SHCBP1: variants seen among roughly 807,000 people sequenced by gnomAD.
SHCBP1 encodes SHC binding and spindle associated 1.
In SHCBP1, 60 loss-of-function variants were observed where a neutral mutation model predicts 75.1. That is an observed-to-expected ratio of 0.80 (90% CI 0.65 to 0.99). The LOEUF (loss-of-function observed/expected upper bound fraction) is 0.99, where lower values mean the gene tolerates loss of function less well. SHCBP1 is among the 50% of genes least tolerant of loss of function. The probability of loss-of-function intolerance (pLI) is 0.00; values close to 1 mark genes in which losing one functional copy is unlikely to be tolerated. For synonymous variants in SHCBP1, 290 were observed against 293.2 expected (o/e 0.99, Z 0.11); for missense variants, 709 against 809.4 (o/e 0.88, Z 1.50).
intron 8 of SHCBP1, among the ~76,000 whole-genome samples, chr16:46,602,173 A>G (rs1044846552): frequency 7.2e-5 from 11 of 152,322 alleles, no homozygotes; most frequent in African/African-American, 2.4e-4. Flanking sequence ...CTACCATACA[A>G]ACTATAATAT....
In SHCBP1 at chr16:46,613,943, C is replaced by T. The variant is rs971288620; in HGVS notation, c.596+2003G>A. 3.7e-4 allele frequency among the ~76,000 whole-genome samples: 57 copies of T among 152,348 alleles called. 1 individual carries two copies. Among genetic ancestry groups the T allele is most frequent in the African/African-American group, 1.2e-3 (48 of 41,580 alleles). Reference sequence around the variant, plus strand: ...AAGTGTAAATTTAACCAGGCTCCTCCTCAAATAATACTACCAAATAACATT... The same window carrying T: ...AAGTGTAAATTTAACCAGGCTCCTCTTCAAATAATACTACCAAATAACATT... On this transcript the variant is annotated intron_variant, in intron 4 of 12. Coordinates refer to ENST00000303383, the MANE Select transcript of SHCBP1 (RefSeq NM_024745.5).
intron 10 of SHCBP1, among the ~76,000 whole-genome samples, chr16:46,589,498 G>A (rs942012320): frequency 3.2e-4 from 49 of 152,208 alleles, no homozygotes; most frequent in African/African-American, 1.0e-3. Context: ...AAATCAATGT[G>A]CAAAAATCAC....
chr16:46,617,316 T>C (rs538174895), intron 3 of SHCBP1, among the ~76,000 whole-genome samples: 33 of 152,308 alleles, frequency 2.2e-4, no homozygotes, highest in African/African-American at 7.9e-4. Context: ...CCTCTTAGGT[T>C]TGAGCTGCTT....
chr16:46,594,145 T>C (rs184256471), intron 10 of SHCBP1, among the ~76,000 whole-genome samples: 4 of 152,016 alleles, frequency 2.6e-5, no homozygotes, highest in African/African-American at 9.7e-5. Context: ...TATAACGCTA[T>C]AAAAATTTTA....
Position 46,603,586 on chromosome 16 carries a change from T to C in SHCBP1, c.1166A>G (p.Tyr389Cys). 2 of 1,614,172 alleles carry C rather than the reference T, an allele frequency of 1.2e-6. No individual in the cohort carries two copies. Among genetic ancestry groups the C allele is most frequent in the East Asian group, 4.5e-5 (2 of 44,886 alleles). The stretch of plus-strand genomic sequence containing the variant: ...AATGGAGAAAGTGCCATGTACCACA[T>C]AATGGCCAGGACAAACAATAACAGT... Reference protein sequence around the residue: ...GDTVIVCPGHYVVHGTFSIAD... With the variant: ...GDTVIVCPGHCVVHGTFSIAD... The change falls in exon 8 of 13, where the codon TAT (tyrosine) becomes TGT (cysteine). Residue 389 changes from tyrosine to cysteine, a missense_variant. Tyr to Cys is a radical substitution (Grantham distance 194). Coordinates refer to ENST00000303383, the MANE Select transcript of SHCBP1 (RefSeq NM_024745.5).
At position 46,585,894 on chromosome 16, in the gene SHCBP1, C is replaced by T. The variant is rs528414289; in HGVS notation, c.1465-1805G>A. 7.9e-5 allele frequency among the ~76,000 whole-genome samples: 12 copies of T among 152,290 alleles called. No homozygotes were observed. In the East Asian group the frequency reaches 2.3e-3, roughly 29 times the overall value. ...ACATAGCAGTAAGAAGGAGCTCCCC[C>T]ACCCAACTTGGGTATCAATGAACGC... On this transcript the variant is annotated intron_variant, in intron 10 of 12. Transcript: ENST00000303383.
chr16:46,600,706 T>G (rs1965219341), intron 8 of SHCBP1, among the ~76,000 whole-genome samples: 1 of 152,104 alleles, frequency 6.6e-6, no homozygotes, highest in Admixed American at 6.6e-5. Flanking sequence ...TCTACCTCAT[T>G]AACAAATAAA....
At chr16:46,611,729 A>C (rs1299018619) in intron 4 of SHCBP1, among the ~76,000 whole-genome samples, 1 of 152,176 alleles carries the variant, frequency 6.6e-6, no homozygotes, top group African/African-American at 2.4e-5. Flanking sequence ...GTTTCTAAGA[A>C]CCTACCAACA....
Position 46,581,897 on chromosome 16 carries a change from T to C in SHCBP1, c.1851A>G (p.Glu617=). 1 of 1,614,166 alleles carries C rather than the reference T, an allele frequency of 6.2e-7. No individual in the cohort carries two copies. Among genetic ancestry groups the C allele is most frequent in the Non-Finnish European group, 8.5e-7 (1 of 1,180,032 alleles). The part of the protein sequence containing the change: ...QVEGNCEIVN[E]LIAASTQKGQ... ...CTTTCTGTGTGGAGGCAGCAATTAG[T>C]TCATTTACAATTTCACAATTTCCCT... The change falls in exon 13 of 13, where the codon GAA becomes GAG. Residue 617 remains glutamate (E), a synonymous_variant. Transcript: ENST00000303383.
At chr16:46,612,554 A>G (rs1051014574) in intron 4 of SHCBP1, among the ~76,000 whole-genome samples, 1 of 152,132 alleles carries the variant, frequency 6.6e-6, no homozygotes, top group African/African-American at 2.4e-5. Flanking sequence ...TTAGCCCTCA[A>G]AAAGAAGTCC....
intron 4 of SHCBP1, among the ~76,000 whole-genome samples, 187 bp from the exon 5 acceptor site, chr16:46,608,576 A>C (rs1965359310): frequency 2.0e-5 from 3 of 148,696 alleles, no homozygotes; most frequent in Non-Finnish European, 4.4e-5. Context: ...AAAGAAGAGA[A>C]GTTTCTCCAC....
chr16:46,616,825 T>C lies in SHCBP1; in HGVS notation c.388-671A>G, dbSNP rs562977056. Among the ~76,000 whole-genome samples, 1 of 152,254 alleles carries C rather than the reference T, an allele frequency of 6.6e-6. No individual in the cohort carries two copies. Among genetic ancestry groups the C allele is most frequent in the South Asian group, 2.1e-4 (1 of 4,824 alleles). On this transcript the variant is annotated intron_variant, in intron 3 of 12. Coordinates refer to ENST00000303383, the MANE Select transcript of SHCBP1 (RefSeq NM_024745.5). This position sits in a 1 kb window ranked among gnomAD's most constrained non-coding sequence, Gnocchi z 4.4. ...GAACTGATTGGCGGGGGGGCACTTA[T>C]CATAACCAAATGAATAGGCCTGAAC...
Position 46,618,236 on chromosome 16 carries a change from C to T in SHCBP1, c.240G>A (p.Glu80=), listed in dbSNP as rs777749016. 1.3e-5 allele frequency: 21 copies of T among 1,611,024 alleles called. No homozygotes were observed. Among genetic ancestry groups the T allele is most frequent in the Non-Finnish European group, 1.8e-5 (21 of 1,179,300 alleles). The change falls in exon 2 of 13, where the codon GAG becomes GAA. Residue 80 remains glutamate (E), a synonymous_variant. Transcript: ENST00000303383. ...IFQTNQLLFY[E]RFRAYQDYIL... is the part of the protein sequence containing the mutation. ...TGTAATCTTGATAGGCTCTGAATCG[C>T]TCATAGAACAAAAGTTGATTTGTTT...
At chr16:46,608,891 G>A (rs1307600770) in intron 4 of SHCBP1, among the ~76,000 whole-genome samples, 2 of 152,170 alleles carry the variant, frequency 1.3e-5, no homozygotes, top group South Asian at 2.1e-4. Context: ...GAGCCACCGC[G>A]CCCAGCCAGG....
At chr16:46,593,299 T>C (rs1248860147) in intron 10 of SHCBP1, among the ~76,000 whole-genome samples, 2 of 152,140 alleles carry the variant, frequency 1.3e-5, no homozygotes, top group African/African-American at 4.8e-5. Flanking sequence ...ATAAATTATA[T>C]TTCTATATAC....
intron 8 of SHCBP1, among the ~76,000 whole-genome samples, chr16:46,600,857 A>G (rs938817714): frequency 1.2e-4 from 18 of 151,748 alleles, no homozygotes; most frequent in Non-Finnish European, 2.2e-4. Context: ...TACTAAAAAT[A>G]TAAAAATTAG....
chr16:46,595,765 A>G, intron 9 of SHCBP1, 95 bp from the exon 10 acceptor site: 1 of 718,148 alleles, frequency 1.4e-6, no homozygotes, highest in Non-Finnish European at 2.3e-6. Flanking sequence ...TGGTCTAAAT[A>G]TTTCTCAATG....
intron 4 of SHCBP1, among the ~76,000 whole-genome samples, 153 bp from the exon 5 acceptor site, chr16:46,608,542 A>G (rs1232276781): frequency 6.6e-6 from 1 of 151,432 alleles, no homozygotes; most frequent in Non-Finnish European, 1.5e-5. Flanking sequence ...GTCACACAAC[A>G]TAGAGACCTT....
intron 4 of SHCBP1, among the ~76,000 whole-genome samples, chr16:46,613,164 GT>G (rs973808608): frequency 1.3e-5 from 2 of 152,000 alleles, no homozygotes; most frequent in African/African-American, 4.8e-5. Context: ...ACAGAAAAAT[GT>G]TGTTAAAAAA....
Sources: allele counts gnomAD v4.1 joint callset (sites outside exome capture counted in the v4.1 genomes callset), GRCh38; gene constraint gnomAD v4.1.1; non-coding constraint Gnocchi (gnomAD v3.1); transcripts MANE v1.5; gene names NCBI Gene and HGNC (gene_info 2026-07-23, HGNC 2026-07-21).